The following FSD1L variants were observed in gnomAD, a reference collection of about 807,000 sequenced individuals.
The protein encoded by FSD1L is fibronectin type III and SPRY domain containing 1 like, also known as FSD1-like protein.
FSD1L carries 45 observed loss-of-function variants against 71.6 expected under a neutral mutation model. That is an observed-to-expected ratio of 0.63 (90% confidence interval 0.49 to 0.81). The LOEUF is 0.81. Among genes scored for constraint, FSD1L ranks in the 30% least tolerant of loss-of-function variants. The probability of loss-of-function intolerance (pLI) is 0.00; values close to 1 mark genes in which losing one functional copy is unlikely to be tolerated. For synonymous variants in FSD1L, 197 were observed against 207.2 expected, an observed-to-expected ratio of 0.95 and a Z score of 0.42; for missense variants, 561 against 618.1, an observed-to-expected ratio of 0.91 and a Z score of 0.98.
intron 7 of FSD1L, among the ~76,000 whole-genome samples, chr9:105,493,790 G>T (rs895161839): frequency 2.0e-5 from 3 of 152,090 alleles, no homozygotes; most frequent in Non-Finnish European, 1.5e-5. Context: ...GAAATTCTGG[G>T]TTGAAAATTC....
intron 7 of FSD1L, among the ~76,000 whole-genome samples, chr9:105,485,717 C>G (rs1171924452): frequency 6.6e-6 from 1 of 151,278 alleles, no homozygotes; most frequent in African/African-American, 2.4e-5. Flanking sequence ...GATCTCGGCT[C>G]ACTGCAAGCT....
In FSD1L at chr9:105,525,832, A is replaced by G. The variant is rs1170257379; in HGVS notation, c.1026-8661A>G. ...TTTTATGGGAGGACTACAAAAAAAC[A>G]AAAGCACTGGATTGACCACTCCATA... On this transcript the variant is annotated intron_variant, in intron 10 of 13. Coordinates refer to ENST00000481272, the MANE Select transcript of FSD1L (RefSeq NM_001145313.3). 4 of 1,605,352 alleles carry G rather than the reference A, an allele frequency of 2.5e-6. No individual in the cohort carries two copies. In the African/African-American group the frequency reaches 4.0e-5, roughly 16 times the overall value.
At chr9:105,524,574 C>CA (rs1407009188) in intron 10 of FSD1L, 2 of 1,613,764 alleles carry the variant, frequency 1.2e-6, no homozygotes, top group Admixed American at 1.7e-5. Context: ...TTATGGAGCT[C>CA]AGTGTTTTAG....
chr9:105,539,105 G>T (rs897404604), intron 12 of FSD1L, among the ~76,000 whole-genome samples, 158 bp from the exon 13 acceptor site: 3 of 152,120 alleles, frequency 2.0e-5, no homozygotes, highest in Middle Eastern at 3.2e-3. Flanking sequence ...TTAAGCATTT[G>T]TCCTTCTGAT....
At chr9:105,498,315 T>C (rs1333009533) in intron 7 of FSD1L, among the ~76,000 whole-genome samples, 1 of 151,938 alleles carries the variant, frequency 6.6e-6, no homozygotes, top group African/African-American at 2.4e-5. Flanking sequence ...GGATACATTC[T>C]AAGAAATGTG....
chr9:105,445,651 C>T (rs531247690), upstream of FSD1L, among the ~76,000 whole-genome samples: 1 of 152,272 alleles, frequency 6.6e-6, no homozygotes, highest in Admixed American at 6.5e-5. Flanking sequence ...CCAGGAAGCA[C>T]GCAGTCTGGT....
At chr9:105,524,268 A>G (rs539179530) in intron 10 of FSD1L, 55 of 1,612,444 alleles carry the variant, frequency 3.4e-5, no homozygotes, top group Middle Eastern at 4.2e-4. Context: ...AGCTTGTAAC[A>G]TGCTTCACAT....
rs1337392378 is a variant in FSD1L at position 105,535,085 on chromosome 9, G to A, written c.1145G>A (p.Ser382Asn). 2 of 1,551,464 alleles carry A rather than the reference G, an allele frequency of 1.3e-6. No individual in the cohort carries two copies. Among genetic ancestry groups the A allele is most frequent in the South Asian group, 1.2e-5 (1 of 84,060 alleles). Residue 382 changes from serine to asparagine, a missense_variant, in exon 12 of 14, where the codon AGT becomes AAT. By Grantham distance (46) the Ser-to-Asn change is conservative. Around this residue, in one of 3 missense-constraint regions of FSD1L, gnomAD observed 53 missense variants for 102.2 expected, o/e 0.52. Coordinates refer to ENST00000481272, the MANE Select transcript of FSD1L (RefSeq NM_001145313.3). ...TTTGTAGGAGACACTGCTATTGAAA[G>A]TGGACAACATTATTGGGAGGTCAAG... ...YTVLGDTAIESGQHYWEVKAQ... is the reference protein window; with the variant it reads ...YTVLGDTAIENGQHYWEVKAQ...
At chr9:105,448,709 A>G (rs10820803) in intron 1 of FSD1L, among the ~76,000 whole-genome samples, 35,250 of 151,936 alleles carry the variant, frequency 0.23, 4,897 homozygotes, top group East Asian at 0.64. Flanking sequence ...TAGGTCAGGG[A>G]CCGAATCTCC....
intron 7 of FSD1L, among the ~76,000 whole-genome samples, chr9:105,505,564 T>G (rs764419507): frequency 3.9e-5 from 6 of 152,172 alleles, no homozygotes; most frequent in Non-Finnish European, 5.9e-5. Flanking sequence ...TGGCCTGTTT[T>G]TTGAATTTTC....
chr9:105,538,917 T>TA (rs559311986), intron 12 of FSD1L, among the ~76,000 whole-genome samples: 34 of 152,224 alleles, frequency 2.2e-4, no homozygotes, highest in African/African-American at 8.2e-4. Context: ...AGAGGCTGGT[T>TA]ATAGGAAAAA....
chr9:105,497,122 T>G (rs1336805604), intron 7 of FSD1L, among the ~76,000 whole-genome samples: 3 of 152,192 alleles, frequency 2.0e-5, no homozygotes, highest in Non-Finnish European at 4.4e-5. Flanking sequence ...CATCTATTTT[T>G]ATGATTGTGA....
At chr9:105,446,321 T>C (rs1829644902), upstream of FSD1L, among the ~76,000 whole-genome samples, 1 of 152,160 alleles carries the variant, frequency 6.6e-6, no homozygotes, top group South Asian at 2.1e-4. Context: ...TTCCCTGACA[T>C]TTCTATGAAA....
intron 13 of FSD1L, among the ~76,000 whole-genome samples, chr9:105,541,294 T>C (rs1836595990): frequency 6.6e-6 from 1 of 151,372 alleles, no homozygotes; most frequent in African/African-American, 2.4e-5. Context: ...TTTCCTTTTT[T>C]TTTTTTTTTT....
Position 105,477,803 on chromosome 9 carries a change from T to G in FSD1L, c.442-1551T>G, listed in dbSNP as rs529385098. The stretch of plus-strand genomic sequence containing the variant: ...GACTTAAGATACAGATTCCACAGAA[T>G]TTGTTTGTTTGTGTAGCACGTGGGA... On this transcript the variant is annotated intron_variant, in intron 5 of 13. Transcript: ENST00000481272. Among the ~76,000 whole-genome samples the G allele has an allele frequency of 8.4e-4, 127 of 151,120 alleles. 3 individuals carry two copies. The highest frequency in any genetic ancestry group is 3.4e-4 in the Non-Finnish European group (23 of 68,010).
At chr9:105,542,710 C>A (rs542897726) in intron 13 of FSD1L, among the ~76,000 whole-genome samples, 6 of 152,200 alleles carry the variant, frequency 3.9e-5, no homozygotes, top group African/African-American at 1.4e-4. Context: ...CCAGCCTTGG[C>A]CCCCCAAAAT....
intron 1 of FSD1L, among the ~76,000 whole-genome samples, chr9:105,456,935 A>T (rs1428461661): frequency 6.6e-6 from 1 of 152,182 alleles, no homozygotes; most frequent in East Asian, 1.9e-4. Context: ...TTATCTATTT[A>T]TCCATCAGTG....
rs1837269622 is a variant in FSD1L at position 105,551,682 on chromosome 9, G to A, written c.*5199G>A. 1 of 152,128 alleles carries A rather than the reference G, an allele frequency of 6.6e-6. No individual in the cohort carries two copies. The highest frequency in any genetic ancestry group is 6.6e-5 in the Admixed American group (1 of 15,258). 9.4% of individuals were successfully genotyped at this position (152,128 alleles called of 1,614,324 possible). On this transcript the variant is annotated 3_prime_UTR_variant, in exon 14 of 14. Coordinates refer to ENST00000481272, the MANE Select transcript of FSD1L (RefSeq NM_001145313.3). ...GTTCTTTAATATTCATTTAATTTGT[G>A]CATGACTTGTGGCCTTTTTGTATTT...
At chr9:105,539,116 T>C in intron 12 of FSD1L, 147 bp from the exon 13 acceptor site, 1 of 540,298 alleles carries the variant, frequency 1.9e-6, no homozygotes, top group Non-Finnish European at 3.2e-6. Context: ...TCCTTCTGAT[T>C]TTCAAGTGAG....
Sources: allele counts gnomAD v4.1 joint callset (sites outside exome capture counted in the v4.1 genomes callset), GRCh38; gene constraint gnomAD v4.1.1; regional missense constraint gnomAD v4.1.1; transcripts MANE v1.5; gene names NCBI Gene and HGNC (gene_info 2026-07-23, HGNC 2026-07-21).